Variants in WDR59 observed in about 807,000 individuals in gnomAD.
WDR59 encodes the protein WD repeat domain 59.
In WDR59, 100 loss-of-function variants were observed where a neutral mutation model predicts 131.2. That is an observed-to-expected ratio of 0.76 (90% confidence interval 0.65 to 0.90). The LOEUF (loss-of-function observed/expected upper bound fraction) is 0.90, where lower values mean the gene tolerates loss of function less well. WDR59 is among the 40% of genes least tolerant of loss of function. The pLI, the probability that WDR59 is intolerant of heterozygous loss-of-function variation, is 0.00. For synonymous variants in WDR59, 601 were observed against 466.2 expected (o/e 1.29, Z -3.72); for missense variants, 1,203 against 1,262.2 (o/e 0.95, Z 0.71).
intron 3 of WDR59, among the ~76,000 whole-genome samples, chr16:74,956,014 C>G (rs2033272405): frequency 6.6e-6 from 1 of 152,046 alleles, no homozygotes; most frequent in African/African-American, 2.4e-5. Context: ...TTAACGAAAT[C>G]TAATGATTCC....
chr16:74,874,977 C>T (rs561205900), intron 25 of WDR59, among the ~76,000 whole-genome samples: 8 of 152,304 alleles, frequency 5.3e-5, no homozygotes, highest in Non-Finnish European at 8.8e-5. Context: ...TCAGGGGCTC[C>T]GCATGGAAAC....
At chr16:74,939,860 G>T (rs1476354874) in intron 7 of WDR59, among the ~76,000 whole-genome samples, 38 of 152,002 alleles carry the variant, frequency 2.5e-4, no homozygotes, top group Admixed American at 6.6e-5. Context: ...TCATCATAGT[G>T]GTGCATACCT....
intron 18 of WDR59, 163 bp from the exon 19 acceptor site, chr16:74,893,975 C>A: frequency 3.8e-6 from 3 of 779,808 alleles, no homozygotes; most frequent in Non-Finnish European, 5.9e-6. Context: ...AAAGGATGAG[C>A]TCTTGTTCCA....
At chr16:74,973,057 A>G (rs955100799) in intron 1 of WDR59, among the ~76,000 whole-genome samples, 1 of 151,704 alleles carries the variant, frequency 6.6e-6, no homozygotes, top group Admixed American at 6.6e-5. Flanking sequence ...CTGACCAACA[A>G]GGAGAAACCC....
intron 1 of WDR59, among the ~76,000 whole-genome samples, chr16:74,969,284 G>C (rs1262818603): frequency 1.3e-5 from 2 of 152,014 alleles, no homozygotes; most frequent in African/African-American, 2.4e-5. Context: ...TATTTGTTTT[G>C]TCTTTTGAGA....
intron 19 of WDR59, 24 bp downstream of exon 19, chr16:74,893,655 G>T: frequency 6.2e-7 from 1 of 1,611,030 alleles, no homozygotes; most frequent in South Asian, 1.1e-5. Context: ...GATGAGTGCA[G>T]CAGACTTGAA....
chr16:74,909,698 C>G lies in WDR59; in HGVS notation c.1486-41G>C, dbSNP rs755582000. The G allele has an allele frequency of 3.9e-6, 6 of 1,555,130 alleles. No homozygotes were observed. The Admixed American group carries it at 8.1e-5, about 21-fold the overall frequency. ...CCACAAGCTAAAAACCACAACCTGT[C>G]TTAAAGCTGAACTACAAAATAAAGA... On this transcript the variant is annotated intron_variant, in intron 15 of 25. Transcript: ENST00000262144.
At chr16:74,965,637 G>A in intron 2 of WDR59, 136 bp downstream of exon 2, 1 of 1,034,568 alleles carries the variant, frequency 9.7e-7, no homozygotes, top group Admixed American at 2.0e-5. Context: ...GAGTAGCCCT[G>A]AGGCAAACAG....
chr16:74,913,423 CA>C (rs977076832), intron 13 of WDR59, among the ~76,000 whole-genome samples: 3 of 151,988 alleles, frequency 2.0e-5, no homozygotes, highest in Non-Finnish European at 4.4e-5. Context: ...CCATGCCCAG[CA>C]AATCTTTGTT....
chr16:74,962,750 C>T (rs2033613151), intron 2 of WDR59: 1 of 150,034 alleles, frequency 6.7e-6, no homozygotes. Flanking sequence ...GTTTGACTTC[C>T]TCTCTATTTA....
chr16:74,906,043 G>A lies in WDR59; in HGVS notation c.1713-1943C>T, dbSNP rs186847923. Among the ~76,000 whole-genome samples, 649 of 151,970 alleles carry A rather than the reference G, an allele frequency of 4.3e-3. 4 individuals carry two copies. Among genetic ancestry groups the A allele is most frequent in the African/African-American group, 0.015 (606 of 41,456 alleles). On this transcript the variant is annotated intron_variant, in intron 17 of 25. Coordinates refer to ENST00000262144, the MANE Select transcript of WDR59 (RefSeq NM_030581.4). ...AAACCACAGTGAGACGGCCGGGCGC[G>A]GTGGCTCACGCCTGTAATCCCAGCA...
chr16:74,981,123 T>C lies in WDR59; in HGVS notation c.54+3841A>G, dbSNP rs537058196. ...GCTCACGCCTGTAATCCCAGCACTT[T>C]GGGAGGCTGAGGCGGGCGGATCACA... On this transcript the variant is annotated intron_variant, in intron 1 of 25. Transcript: ENST00000262144. Among the ~76,000 whole-genome samples the C allele has an allele frequency of 2.0e-5, 3 of 151,816 alleles. No individual in the cohort carries two copies. The East Asian group carries it at 5.8e-4, about 29-fold the overall frequency.
intron 1 of WDR59, among the ~76,000 whole-genome samples, chr16:74,980,005 C>T (rs1024984958): frequency 6.6e-6 from 1 of 151,430 alleles, no homozygotes; most frequent in Non-Finnish European, 1.5e-5. Flanking sequence ...TGCACCACCA[C>T]GCCCAGCTAA....
At chr16:74,962,227 C>A (rs530260510) in intron 2 of WDR59, among the ~76,000 whole-genome samples, 2 of 152,218 alleles carry the variant, frequency 1.3e-5, no homozygotes, top group African/African-American at 4.8e-5. Context: ...TAGCGTAATA[C>A]CTCCAGCTTT....
chr16:74,908,898 C>T lies in WDR59; in HGVS notation c.1712+10G>A, dbSNP rs746407663. 6.2e-7 allele frequency: 1 copy of T among 1,613,642 alleles called. No homozygotes were observed. On this transcript the variant is annotated intron_variant, in intron 17 of 25. Coordinates refer to ENST00000262144, the MANE Select transcript of WDR59 (RefSeq NM_030581.4). ...GAACGTAGAGCGGCTTCTGCATCTC[C>T]CTGACTCACCTCGGAGTAGGCTCTG...
intron 18 of WDR59, among the ~76,000 whole-genome samples, chr16:74,902,181 G>A (rs963000461): frequency 3.9e-5 from 6 of 152,032 alleles, no homozygotes; most frequent in African/African-American, 4.8e-5. Context: ...CAATATAAGA[G>A]TTTCATATGA....
At chr16:74,925,540 T>A (rs2030702953) in intron 8 of WDR59, among the ~76,000 whole-genome samples, 2 of 92,422 alleles carry the variant, frequency 2.2e-5, no homozygotes, top group Admixed American at 2.6e-4. Flanking sequence ...CAAGACTCCA[T>A]CTCAAAAAAA....
intron 17 of WDR59, among the ~76,000 whole-genome samples, chr16:74,905,372 T>C (rs1347178595): frequency 7.1e-6 from 1 of 140,890 alleles, no homozygotes; most frequent in African/African-American, 2.7e-5. Flanking sequence ...CGAAACTCCG[T>C]CTCAAAAAAT....
At position 74,960,562 on chromosome 16, in the gene WDR59, C is replaced by G. The variant is rs111984571; in HGVS notation, c.105-3952G>C. On this transcript the variant is annotated intron_variant, in intron 2 of 25. Transcript: ENST00000262144. ...GAGTTTGAGATCAGCCCGGCCAACA[C>G]AGCAAAACCCCATCTCTAATAAAAC... is the stretch of plus-strand genomic sequence containing the variant. Among the ~76,000 whole-genome samples, 996 of 151,570 alleles carry G rather than the reference C, an allele frequency of 6.6e-3. 8 individuals carry two copies. Among genetic ancestry groups the G allele is most frequent in the African/African-American group, 0.023 (967 of 41,356 alleles).
Sources: allele counts gnomAD v4.1 joint callset (sites outside exome capture counted in the v4.1 genomes callset), GRCh38; gene constraint gnomAD v4.1.1; transcripts MANE v1.5; gene names NCBI Gene and HGNC (gene_info 2026-07-23, HGNC 2026-07-21).